RERE: variants seen among roughly 807,000 people sequenced by gnomAD.
The protein encoded by RERE is arginine-glutamic acid dipeptide repeats protein.
RERE carries 40 observed loss-of-function variants against 146.1 expected under a neutral mutation model. That is an observed-to-expected ratio of 0.27 (90% CI 0.21 to 0.36). The LOEUF (loss-of-function observed/expected upper bound fraction) is 0.36. Ranked by LOEUF, RERE falls within the 10% of genes least tolerant of loss-of-function variation. The pLI, the probability that RERE is intolerant of heterozygous loss-of-function variation, is 1.00. For synonymous variants in RERE, 1,003 were observed against 866.0 expected, an observed-to-expected ratio of 1.16 and a Z score of -2.78; for missense variants, 1,933 against 2,138.7, an observed-to-expected ratio of 0.90 and a Z score of 1.90.
intron 11 of RERE, among the ~76,000 whole-genome samples, chr1:8,448,015 T>C (rs750513950): frequency 6.6e-6 from 1 of 152,312 alleles, no homozygotes; most frequent in African/African-American, 2.4e-5. Context: ...CGTGCTCCTC[T>C]GTGTTTCCAT....
At chr1:8,457,583 T>G (rs897850423) in intron 11 of RERE, among the ~76,000 whole-genome samples, 6 of 151,944 alleles carry the variant, frequency 3.9e-5, no homozygotes, top group African/African-American at 9.7e-5. Context: ...AAGGGAGACT[T>G]ACTTACTTAC....
intron 1 of RERE, among the ~76,000 whole-genome samples, chr1:8,760,728 C>A (rs1165462939): frequency 6.6e-6 from 1 of 152,064 alleles, no homozygotes; most frequent in Admixed American, 6.5e-5. Context: ...AAGTTAAATT[C>A]TTTGAAAATC....
chr1:8,687,536 T>TAA (rs1239220837), intron 1 of RERE, among the ~76,000 whole-genome samples: 1 of 152,188 alleles, frequency 6.6e-6, no homozygotes, highest in African/African-American at 2.4e-5. Flanking sequence ...ATCTGAGACA[T>TAA]AAAGGCTGAC....
At chr1:8,653,512 G>A (rs1447858207) in intron 2 of RERE, among the ~76,000 whole-genome samples, 5 of 151,934 alleles carry the variant, frequency 3.3e-5, no homozygotes, top group African/African-American at 4.8e-5. Flanking sequence ...TCGAGACCAC[G>A]GTGAAACCCC....
At chr1:8,529,358 C>G (rs1645611072) in intron 7 of RERE, among the ~76,000 whole-genome samples, 1 of 142,968 alleles carries the variant, frequency 7.0e-6, no homozygotes, top group African/African-American at 2.6e-5. Context: ...GGTGCAATCT[C>G]AGCTCACTGC....
chr1:8,804,110 C>T (rs1013497607), intron 1 of RERE, among the ~76,000 whole-genome samples: 14 of 152,162 alleles, frequency 9.2e-5, no homozygotes, highest in African/African-American at 3.4e-4. Context: ...TCAACAAGGT[C>T]TTTAATCATA....
chr1:8,709,882 A>G (rs1038401886), intron 1 of RERE, among the ~76,000 whole-genome samples: 2 of 152,186 alleles, frequency 1.3e-5, no homozygotes, highest in African/African-American at 4.8e-5. Context: ...AAAGCTGTAC[A>G]ACTTATACTC....
At position 8,364,179 on chromosome 1, in the gene RERE, G is replaced by A. The variant is rs1437165676; in HGVS notation, c.1617C>T (p.Tyr539=). Residue 539 remains tyrosine, a synonymous_variant, in exon 15 of 23, where the codon TAC becomes TAT. Transcript: ENST00000400908. The surrounding 1 kb of genome is among the most constrained non-coding windows in gnomAD (Gnocchi z 5.1). ...CTDCRIHFKK[Y]GELPPIEKPV... ...GCTTCTCAATGGGCGGGAGCTCACC[G>A]TATTTCTTGAAGTGGATGCGACAGT... The A allele has an allele frequency of 6.2e-6, 10 of 1,614,156 alleles. No homozygotes were observed. Among genetic ancestry groups the A allele is most frequent in the Admixed American group, 1.7e-5 (1 of 60,030 alleles).
intron 11 of RERE, among the ~76,000 whole-genome samples, chr1:8,442,337 T>C (rs1644260390): frequency 1.4e-5 from 2 of 146,820 alleles, no homozygotes; most frequent in Non-Finnish European, 3.0e-5. Flanking sequence ...TGGACCAAGA[T>C]GGTGCCGCCA....
At chr1:8,612,188 C>T (rs1646800959) in intron 4 of RERE, among the ~76,000 whole-genome samples, 1 of 152,220 alleles carries the variant, frequency 6.6e-6, no homozygotes, top group Non-Finnish European at 1.5e-5. Context: ...TTAGGGAAGA[C>T]ATCTGGTGTA....
In RERE at chr1:8,585,251, T is replaced by C. The variant is rs555947183; in HGVS notation, c.523-27728A>G. Among the ~76,000 whole-genome samples the C allele has an allele frequency of 7.6e-4, 115 of 151,888 alleles. 2 individuals carry two copies. The highest frequency in any genetic ancestry group is 1.5e-3 in the Non-Finnish European group (105 of 67,970). On this transcript the variant is annotated intron_variant, in intron 4 of 22. Coordinates refer to ENST00000400908, the MANE Select transcript of RERE (RefSeq NM_001042681.2). Reference sequence around the variant, plus strand: ...GAAAGAAAAGAGATAGAGATGGAAATAGCTGACGTTAAATAAAAACTCTGT... The same window carrying C: ...GAAAGAAAAGAGATAGAGATGGAAACAGCTGACGTTAAATAAAAACTCTGT...
At chr1:8,644,889 T>C (rs1402074649) in intron 2 of RERE, among the ~76,000 whole-genome samples, 2 of 152,216 alleles carry the variant, frequency 1.3e-5, no homozygotes, top group African/African-American at 4.8e-5. Context: ...ATCACTTGCA[T>C]TTTCGAAGAA....
chr1:8,643,218 C>G (rs1407334661), intron 2 of RERE, among the ~76,000 whole-genome samples: 1 of 152,180 alleles, frequency 6.6e-6, no homozygotes, highest in East Asian at 1.9e-4. Context: ...GAGTGGAATC[C>G]ATGAGTAGGT....
At chr1:8,399,214 T>A (rs150809048) in intron 12 of RERE, among the ~76,000 whole-genome samples, 1 of 152,248 alleles carries the variant, frequency 6.6e-6, no homozygotes, top group East Asian at 1.9e-4. Flanking sequence ...ACAGACTTTT[T>A]AAGTCTTAAT....
chr1:8,505,987 A>G, intron 8 of RERE, among the ~76,000 whole-genome samples: 1 of 152,240 alleles, frequency 6.6e-6, no homozygotes, highest in East Asian at 1.9e-4. Context: ...CAAAAATCCA[A>G]TCACAGTAAA....
In RERE at chr1:8,576,596, G is replaced by T. The variant is rs375534765; in HGVS notation, c.523-19073C>A. Among the ~76,000 whole-genome samples, 15 of 152,256 alleles carry T rather than the reference G, an allele frequency of 9.9e-5. No individual in the cohort carries two copies. In the East Asian group the frequency reaches 2.9e-3, roughly 29 times the overall value. On this transcript the variant is annotated intron_variant, in intron 4 of 22. Transcript: ENST00000400908. ...TACCTCATACTGTATGATTCAAAAT[G>T]ATCTGAAATGAGTCTAAATGGGTCA...
chr1:8,773,619 T>A (rs566637655), intron 1 of RERE, among the ~76,000 whole-genome samples: 3 of 152,092 alleles, frequency 2.0e-5, no homozygotes, highest in East Asian at 1.9e-4. Context: ...AGGTGAGGAG[T>A]TCGAGACCAG....
chr1:8,597,384 G>A (rs576404180), intron 4 of RERE, among the ~76,000 whole-genome samples: 3 of 152,246 alleles, frequency 2.0e-5, no homozygotes, highest in East Asian at 3.9e-4. Context: ...GAGCCACTGT[G>A]CCCAGCCCCT....
At chr1:8,464,477 C>T (rs1206457789) in intron 11 of RERE, among the ~76,000 whole-genome samples, 1 of 152,178 alleles carries the variant, frequency 6.6e-6, no homozygotes, top group Non-Finnish European at 1.5e-5. Flanking sequence ...CCAGTGTGAG[C>T]CCCACTGTCG....
Sources: allele counts gnomAD v4.1 joint callset (sites outside exome capture counted in the v4.1 genomes callset), GRCh38; gene constraint gnomAD v4.1.1; non-coding constraint Gnocchi (gnomAD v3.1); transcripts MANE v1.5; gene names NCBI Gene and HGNC (gene_info 2026-07-23, HGNC 2026-07-21).